CAP2: variants seen among roughly 807,000 people sequenced by gnomAD.
CAP2 encodes the protein adenylyl cyclase-associated protein 2.
In CAP2, 24 loss-of-function variants were observed where a neutral mutation model predicts 57.7. The observed-to-expected ratio is 0.42, with a 90% CI of 0.30 to 0.58. The LOEUF (loss-of-function observed/expected upper bound fraction) is 0.58. Among genes scored for constraint, CAP2 ranks in the 20% least tolerant of loss-of-function variants. The probability of loss-of-function intolerance (pLI) is 0.22; values close to 1 mark genes in which losing one functional copy is unlikely to be tolerated. For missense variants in CAP2, 501 were observed against 590.3 expected (o/e 0.85, Z 1.57); for synonymous variants, 194 against 207.2 (o/e 0.94, Z 0.55).
At chr6:17,501,121 C>A (rs1002846729) in intron 4 of CAP2, among the ~76,000 whole-genome samples, 1 of 152,158 alleles carries the variant, frequency 6.6e-6, no homozygotes, top group African/African-American at 2.4e-5. Flanking sequence ...TCACAATACA[C>A]GCCAGGAACG....
chr6:17,494,268 TC>T (rs1490125271), intron 4 of CAP2, among the ~76,000 whole-genome samples: 1 of 152,140 alleles, frequency 6.6e-6, no homozygotes, highest in Non-Finnish European at 1.5e-5. Context: ...AAAGCCAAAA[TC>T]CTTTCAGCAG....
At chr6:17,506,267 G>A (rs145911900) in intron 4 of CAP2, among the ~76,000 whole-genome samples, 5 of 152,206 alleles carry the variant, frequency 3.3e-5, no homozygotes, top group Non-Finnish European at 7.3e-5. Flanking sequence ...GCAGAATTGA[G>A]TGTGACCTGT....
chr6:17,536,976 T>C (rs961499738), intron 7 of CAP2, among the ~76,000 whole-genome samples: 1 of 152,234 alleles, frequency 6.6e-6, no homozygotes, highest in Non-Finnish European at 1.5e-5. Context: ...GAAATCATTT[T>C]CTACTTGACC....
chr6:17,424,875 A>G (rs1373273090), intron 2 of CAP2, among the ~76,000 whole-genome samples: 1 of 152,258 alleles, frequency 6.6e-6, no homozygotes, highest in Non-Finnish European at 1.5e-5. Flanking sequence ...AATACTCAGC[A>G]GAGATCCCCG....
At chr6:17,459,708 A>G (rs1051391787) in intron 3 of CAP2, among the ~76,000 whole-genome samples, 1 of 152,178 alleles carries the variant, frequency 6.6e-6, no homozygotes, top group Non-Finnish European at 1.5e-5. Flanking sequence ...AGAATTAAAT[A>G]CATTAATGCA....
chr6:17,511,399 G>A (rs564752405), intron 6 of CAP2, among the ~76,000 whole-genome samples: 1 of 152,276 alleles, frequency 6.6e-6, no homozygotes, highest in African/African-American at 2.4e-5. Flanking sequence ...AGTGAAATCT[G>A]TATCTGTGCA....
At chr6:17,451,514 CTT>C (rs879835307) in intron 3 of CAP2, among the ~76,000 whole-genome samples, 1 of 145,516 alleles carries the variant, frequency 6.9e-6, no homozygotes, top group Non-Finnish European at 1.5e-5. Flanking sequence ...TCAGAAAATA[CTT>C]TTTTTTTTTT....
chr6:17,394,587 A>G (rs1758623711), intron 1 of CAP2, among the ~76,000 whole-genome samples: 1 of 152,236 alleles, frequency 6.6e-6, no homozygotes, highest in Non-Finnish European at 1.5e-5. Flanking sequence ...AACACTTGGT[A>G]AAAACATCTA....
chr6:17,449,877 A>G (rs1415567690), intron 3 of CAP2, among the ~76,000 whole-genome samples: 1 of 152,166 alleles, frequency 6.6e-6, no homozygotes, highest in Non-Finnish European at 1.5e-5. Context: ...CTATTTGGTG[A>G]TAATTATGAA....
intron 1 of CAP2, among the ~76,000 whole-genome samples, chr6:17,394,132 G>A (rs1758612314): frequency 6.7e-6 from 1 of 149,426 alleles, no homozygotes; most frequent in Non-Finnish European, 1.5e-5. Flanking sequence ...AACTTTGGGG[G>A]GTCTCGTCCA....
At chr6:17,410,318 C>T (rs1035679936) in intron 1 of CAP2, among the ~76,000 whole-genome samples, 3 of 152,298 alleles carry the variant, frequency 2.0e-5, no homozygotes, top group Non-Finnish European at 4.4e-5. Context: ...CCTGGGAATA[C>T]CCAGAACTAC....
chr6:17,482,860 T>C (rs903025671), intron 4 of CAP2, among the ~76,000 whole-genome samples: 3 of 152,216 alleles, frequency 2.0e-5, no homozygotes, highest in Non-Finnish European at 4.4e-5. Context: ...GGTAAGGACA[T>C]CATCATATGA....
intron 7 of CAP2, among the ~76,000 whole-genome samples, chr6:17,522,516 A>T (rs1438367316): frequency 6.6e-6 from 1 of 152,250 alleles, no homozygotes; most frequent in Non-Finnish European, 1.5e-5. Flanking sequence ...ACGAAGAGCC[A>T]CAAAAGGGCT....
chr6:17,401,642 A>G (rs559627288), intron 1 of CAP2, among the ~76,000 whole-genome samples: 4 of 152,244 alleles, frequency 2.6e-5, no homozygotes, highest in South Asian at 2.1e-4. Context: ...CAGATAGTCT[A>G]TCTCTCGGCA....
chr6:17,537,566 G>T (rs9465047), intron 7 of CAP2, among the ~76,000 whole-genome samples: 39,012 of 152,014 alleles, frequency 0.26, 6,451 homozygotes, highest in African/African-American at 0.47. Flanking sequence ...TTTTGATACT[G>T]CATAATACTA....
chr6:17,533,111 G>A (rs1026238731), intron 7 of CAP2, among the ~76,000 whole-genome samples: 1 of 145,904 alleles, frequency 6.9e-6, no homozygotes, highest in African/African-American at 2.5e-5. Context: ...ACTTGGAAGT[G>A]TTTTCCCTTT....
chr6:17,460,006 T>C lies in CAP2; in HGVS notation c.223-2990T>C, dbSNP rs181290354. 1.4e-3 allele frequency among the ~76,000 whole-genome samples: 213 copies of C among 152,312 alleles called. No individual in the cohort carries two copies. In the South Asian group the frequency reaches 0.024, roughly 17 times the overall value. On this transcript the variant is annotated intron_variant, in intron 3 of 12. Transcript: ENST00000229922. ...AGGACTAAACCTATTCCAGGAAATA[T>C]ACTATGGAATGTTCAAAACGCAAAC...
intron 2 of CAP2, among the ~76,000 whole-genome samples, chr6:17,423,370 CAACT>C (rs1561777940): frequency 1.3e-5 from 2 of 152,116 alleles, no homozygotes; most frequent in Admixed American, 6.5e-5. Context: ...TTTTCCGCAC[CAACT>C]GAGACACATC....
intron 3 of CAP2, 94 bp downstream of exon 3, chr6:17,426,784 TTA>T (rs1759602940): frequency 1.2e-6 from 1 of 823,068 alleles, no homozygotes; most frequent in Admixed American, 2.1e-5. Flanking sequence ...CTTTATTTAT[TTA>T]TTTAGTTTTT....
Sources: gnomAD v4.1 joint callset for allele counts (sites outside exome capture counted in the v4.1 genomes callset) on GRCh38, gnomAD v4.1.1 for gene constraint, MANE v1.5 for transcripts, NCBI Gene and HGNC (gene_info 2026-07-23, HGNC 2026-07-21) for gene names.